The following ULK2 variants were observed in gnomAD, a reference collection of about 807,000 sequenced individuals.
The protein encoded by ULK2 is unc-51 like autophagy activating kinase 2, also known as serine/threonine-protein kinase ULK2.
A neutral mutation model predicts 127.5 loss-of-function variants in ULK2; 76 were observed. The observed-to-expected ratio is 0.60, with a 90% CI of 0.50 to 0.72. The LOEUF is 0.72. Ranked by LOEUF, ULK2 falls within the 30% of genes least tolerant of loss-of-function variation. ULK2 has a pLI of 0.00. For synonymous variants in ULK2, 452 were observed against 461.9 expected (o/e 0.98, Z 0.28); for missense variants, 1,144 against 1,295.9 (o/e 0.88, Z 1.80).
chr17:19,860,352 C>T (rs563355255), intron 3 of ULK2, among the ~76,000 whole-genome samples: 1 of 152,188 alleles, frequency 6.6e-6, no homozygotes, highest in East Asian at 1.9e-4. Context: ...GGACAGATAA[C>T]CAAAACTAAT....
intron 12 of ULK2, among the ~76,000 whole-genome samples, chr17:19,821,723 G>C (rs2041150291): frequency 6.6e-6 from 1 of 151,952 alleles, no homozygotes; most frequent in African/African-American, 2.4e-5. Context: ...TTTTTTTAAA[G>C]GCTTCCTAAA....
chr17:19,788,325 A>G, intron 20 of ULK2, among the ~76,000 whole-genome samples: 1 of 151,668 alleles, frequency 6.6e-6, no homozygotes, highest in East Asian at 2.0e-4. Context: ...CTGCTTGAGG[A>G]CAAGAGATAA....
Position 19,781,101 on chromosome 17 carries a change from C to T in ULK2, c.2643G>A (p.Arg881=). The change falls in exon 24 of 27, where the codon CGG becomes CGA. Residue 881 remains arginine (R), a synonymous_variant. Coordinates refer to ENST00000395544, the MANE Select transcript of ULK2 (RefSeq NM_014683.4). ...TCATGTACAACACCAGCTGCTCCAC[C>T]CGCCTGCACCCAAAAGACAGTAGCA... ...QISQLSKDWG[R]VEQLVLYMKA... is the part of the protein sequence containing the mutation. 7 of 1,613,590 alleles carry T rather than the reference C, an allele frequency of 4.3e-6. No individual in the cohort carries two copies. Among genetic ancestry groups the T allele is most frequent in the Non-Finnish European group, 5.9e-6 (7 of 1,179,800 alleles).
In ULK2 at chr17:19,772,279, T is replaced by G. The variant is rs962023316; in HGVS notation, c.*4070A>C. ...AGGGCAAGTTGTCAGCTTTCCCGTATGCAGTGTTTTTCTAGGTGGATTGTT... is the reference window on the plus strand; with the variant it reads ...AGGGCAAGTTGTCAGCTTTCCCGTAGGCAGTGTTTTTCTAGGTGGATTGTT... On this transcript the variant is annotated 3_prime_UTR_variant, in exon 27 of 27. Coordinates refer to ENST00000395544, the MANE Select transcript of ULK2 (RefSeq NM_014683.4). 2.0e-5 allele frequency: 3 copies of G among 152,286 alleles called. No individual in the cohort carries two copies. The highest frequency in any genetic ancestry group is 7.2e-5 in the African/African-American group (3 of 41,476). 9.4% of individuals were successfully genotyped at this position (152,286 alleles called of 1,614,324 possible).
At chr17:19,822,443 C>G (rs1597767745) in intron 12 of ULK2, among the ~76,000 whole-genome samples, 1 of 150,592 alleles carries the variant, frequency 6.6e-6, no homozygotes, top group East Asian at 2.0e-4. Flanking sequence ...CTCACTGCAG[C>G]CTCTGCCTCC....
intron 9 of ULK2, 89 bp downstream of exon 9, chr17:19,841,399 TA>T: frequency 7.6e-7 from 1 of 1,308,498 alleles, no homozygotes; most frequent in Non-Finnish European, 1.1e-6. Flanking sequence ...GAAAAAGAAT[TA>T]AAAAATGAGA....
chr17:19,809,735 A>AAT (rs2152388286), intron 14 of ULK2, among the ~76,000 whole-genome samples: 1 of 148,028 alleles, frequency 6.8e-6, no homozygotes, highest in East Asian at 2.3e-4. Flanking sequence ...TCCGTCTCAA[A>AAT]AAAAAAAAAA....
In ULK2 at chr17:19,840,167, GCCC is replaced by G. The variant is rs1427121381; in HGVS notation, c.704+1319_704+1321del. On this transcript the variant is annotated intron_variant, in intron 9 of 26. Coordinates refer to ENST00000395544, the MANE Select transcript of ULK2 (RefSeq NM_014683.4). Reference sequence around the variant, plus strand: ...ATACTCTATCACGCCTGGCCACTGTGCCCCCGACCCTCAACCCAGCCGAATACA... The same window carrying G: ...ATACTCTATCACGCCTGGCCACTGTGCCGACCCTCAACCCAGCCGAATACA... 8.5e-6 allele frequency: 4 copies of G among 470,020 alleles called. No individual in the cohort carries two copies. In the East Asian group the frequency reaches 2.5e-4, roughly 30 times the overall value. 29.1% of individuals were successfully genotyped at this position (470,020 alleles called of 1,614,324 possible). A position where few individuals can be genotyped will look rare whatever the true frequency, so the allele number is the denominator to read the frequency against.
chr17:19,846,930 G>T lies in ULK2; in HGVS notation c.296-20C>A. The stretch of plus-strand genomic sequence containing the variant: ...CTTTCGCTGGTACAAAAGGAGTCAC[G>T]TAAATATTTAAGCACACAAAATCAA... On this transcript the variant is annotated intron_variant, in intron 5 of 26. Transcript: ENST00000395544. The T allele has an allele frequency of 1.3e-6, 2 of 1,587,098 alleles. No homozygotes were observed. The highest frequency in any genetic ancestry group is 1.2e-5 in the South Asian group (1 of 85,628).
intron 6 of ULK2, among the ~76,000 whole-genome samples, chr17:19,845,826 T>C (rs2041866978): frequency 6.6e-6 from 1 of 152,138 alleles, no homozygotes; most frequent in Admixed American, 6.6e-5. Flanking sequence ...ATCAGGGTTA[T>C]GGCCAGGCGT....
In ULK2 at chr17:19,864,764, A is replaced by T. The variant is rs759446964; in HGVS notation, c.225+39T>A. The T allele has an allele frequency of 1.7e-5, 17 of 980,452 alleles. No individual in the cohort carries two copies. In the Admixed American group the frequency reaches 4.9e-4, roughly 28 times the overall value. The allele number at this position is 980,452 out of a possible 1,614,324, so 60.7% of individuals were successfully genotyped here. On this transcript the variant is annotated intron_variant, in intron 3 of 26. Transcript: ENST00000395544. ...CTTAAATCTGTATGAAATTAAAAAA[A>T]ATTTATTTTAATTTTTAAAAATTTT...
chr17:19,785,902 T>G, intron 21 of ULK2, 35 bp downstream of exon 21: 1 of 1,587,396 alleles, frequency 6.3e-7, no homozygotes, highest in Non-Finnish European at 8.5e-7. Context: ...TTCCAAATAC[T>G]AGCCAAAGAC....
chr17:19,838,145 G>A (rs1222616419), intron 10 of ULK2, among the ~76,000 whole-genome samples: 1 of 152,056 alleles, frequency 6.6e-6, no homozygotes, highest in Non-Finnish European at 1.5e-5. Flanking sequence ...TTCTCAGTAA[G>A]GTCTTCACTG....
intron 16 of ULK2, among the ~76,000 whole-genome samples, chr17:19,800,282 T>A (rs1346014708): frequency 6.6e-6 from 1 of 152,184 alleles, no homozygotes; most frequent in African/African-American, 2.4e-5. Flanking sequence ...GTTCTATGCA[T>A]CCATTTCTCT....
chr17:19,824,530 G>T (rs1311278559), intron 12 of ULK2, among the ~76,000 whole-genome samples: 1 of 150,702 alleles, frequency 6.6e-6, no homozygotes, highest in African/African-American at 2.4e-5. Context: ...AAGGCCTCAG[G>T]ATTAGGAAGA....
intron 15 of ULK2, among the ~76,000 whole-genome samples, chr17:19,802,662 T>C (rs1483540290): frequency 1.3e-5 from 2 of 152,198 alleles, no homozygotes; most frequent in Non-Finnish European, 2.9e-5. Flanking sequence ...AATATTTTGG[T>C]AGCCTTTTCA....
intron 5 of ULK2, among the ~76,000 whole-genome samples, chr17:19,847,113 A>C (rs565674056): frequency 2.5e-4 from 38 of 152,288 alleles, no homozygotes; most frequent in African/African-American, 9.1e-4. Flanking sequence ...ATCTGTTGTA[A>C]AGAGAACTGA....
At chr17:19,833,805 A>G (rs769157667) in intron 10 of ULK2, among the ~76,000 whole-genome samples, 12 of 152,194 alleles carry the variant, frequency 7.9e-5, no homozygotes, top group Non-Finnish European at 1.5e-4. Flanking sequence ...AAATGAACAG[A>G]CTCAGCTGTG....
intron 3 of ULK2, among the ~76,000 whole-genome samples, chr17:19,855,010 G>T: frequency 6.6e-6 from 1 of 151,008 alleles, no homozygotes; most frequent in East Asian, 1.9e-4. Context: ...TGAGGCAGTA[G>T]AATTGCTTGA....
Sources: allele counts gnomAD v4.1 joint callset (sites outside exome capture counted in the v4.1 genomes callset), GRCh38; gene constraint gnomAD v4.1.1; transcripts MANE v1.5; gene names NCBI Gene and HGNC (gene_info 2026-07-23, HGNC 2026-07-21).